Variants in SIPA1L2 observed in about 807,000 individuals in gnomAD.
SIPA1L2 encodes signal induced proliferation associated 1 like 2.
SIPA1L2 carries 56 observed loss-of-function variants against 163.9 expected under a neutral mutation model. That is an observed-to-expected ratio of 0.34 (90% CI 0.28 to 0.43). The LOEUF (loss-of-function observed/expected upper bound fraction) is 0.43, where lower values mean the gene tolerates loss of function less well. SIPA1L2 is among the 20% of genes least tolerant of loss of function. The pLI is 1.00. For missense variants in SIPA1L2, 1,974 were observed against 2,193.5 expected (o/e 0.90, Z 2.00); for synonymous variants, 877 against 865.7 (o/e 1.01, Z -0.23).
intron 10 of SIPA1L2, among the ~76,000 whole-genome samples, chr1:232,453,395 T>G (rs1273114880): frequency 1.3e-5 from 2 of 152,240 alleles, no homozygotes; most frequent in African/African-American, 2.4e-5. Context: ...TCTAATCCCA[T>G]GACTGGAACT....
At chr1:232,629,712 A>ACCCTCGCACCCCCGCGC (rs1230370861) in intron 1 of SIPA1L2, among the ~76,000 whole-genome samples, 157 bp downstream of exon 1, 4 of 151,552 alleles carry the variant, frequency 2.6e-5, no homozygotes, top group African/African-American at 4.9e-5. Context: ...CTGCGCCGCG[A>ACCCTCGCACCCCCGCGC]CCCTCGCACC....
At chr1:232,543,003 TC>T (rs745800015) in intron 2 of SIPA1L2, among the ~76,000 whole-genome samples, 28 of 152,190 alleles carry the variant, frequency 1.8e-4, no homozygotes, top group Non-Finnish European at 3.8e-4. Context: ...TTTCCAAGAA[TC>T]CCCAAGAGCT....
chr1:232,514,551 A>G lies in SIPA1L2; in HGVS notation c.789T>C (p.Tyr263=), dbSNP rs115218394. The change falls in exon 3 of 23, where the codon TAT becomes TAC. Residue 263 remains tyrosine (Y), a synonymous_variant. Transcript: ENST00000674635. ...TCCCCATCAGGAGGGCACTGTCCAC[A>G]TAATCTAATCCTGAGATGCGGACAA... ...GEFVRISGLD[Y]VDSALLMGRD... 568 of 1,614,166 alleles carry G rather than the reference A, an allele frequency of 3.5e-4. 1 individual carries two copies. Among genetic ancestry groups the G allele is most frequent in the African/African-American group, 5.9e-4 (44 of 75,060 alleles).
At chr1:232,428,317 G>T in intron 17 of SIPA1L2, 94 bp downstream of exon 17, 1 of 1,110,288 alleles carries the variant, frequency 9.0e-7, no homozygotes, top group Non-Finnish European at 1.2e-6. Flanking sequence ...GAAGCATGTG[G>T]GAGTACTCTG....
chr1:232,623,217 C>T (rs1282726670), intron 1 of SIPA1L2, among the ~76,000 whole-genome samples: 1 of 152,212 alleles, frequency 6.6e-6, no homozygotes, highest in Admixed American at 6.5e-5. Context: ...TGGCCAATCA[C>T]ATACAGACAG....
chr1:232,465,079 C>T lies in SIPA1L2; in HGVS notation c.2581G>A (p.Ala861Thr). The T allele has an allele frequency of 6.2e-7, 1 of 1,614,172 alleles. No individual in the cohort carries two copies. The highest frequency in any genetic ancestry group is 8.5e-7 in the Non-Finnish European group (1 of 1,180,018). The stretch of plus-strand genomic sequence containing the variant: ...TCAGCAGACTGGCCGAAGTCCCGGG[C>T]TATCACGTGCCACATGATGGCCCCA... ...SIGAIMWHVI[A>T]RDFGQSADIE... Residue 861 changes from alanine (A) to threonine (T), a missense_variant, in exon 9 of 23, where the codon GCC becomes ACC. Ala to Thr is a moderately conservative substitution (Grantham distance 58). Coordinates refer to ENST00000674635, the MANE Select transcript of SIPA1L2 (RefSeq NM_020808.5). This position sits in a 1 kb window ranked among gnomAD's most constrained non-coding sequence, Gnocchi z 4.1.
chr1:232,567,228 G>A (rs1659459917), intron 2 of SIPA1L2, among the ~76,000 whole-genome samples: 1 of 152,136 alleles, frequency 6.6e-6, no homozygotes, highest in Admixed American at 6.5e-5. Flanking sequence ...AATGAAAAAG[G>A]TAAAATACTA....
At position 232,460,948 on chromosome 1, in the gene SIPA1L2, G is replaced by A. The variant is rs539350274; in HGVS notation, c.3034C>T (p.Arg1012Cys). 61 of 1,614,248 alleles carry A rather than the reference G, an allele frequency of 3.8e-5. No homozygotes were observed. The highest frequency in any genetic ancestry group is 6.7e-5 in the East Asian group (3 of 44,876). Residue 1012 changes from arginine to cysteine, a missense_variant, in exon 10 of 23, where the codon CGT (arginine) becomes TGT (cysteine). This residue lies in a region of SIPA1L2 where 1,079 missense variants were observed against 1,150.7 expected (regional missense o/e 0.94). Transcript: ENST00000674635. ...LTHEQMIDLL[R>C]TSVTVKVVII... Reference sequence around the variant, plus strand: ...ACCACCTTCACAGTCACAGAAGTACGGAGCAGGTCGATCATCTGCTCGTGG... The same window carrying A: ...ACCACCTTCACAGTCACAGAAGTACAGAGCAGGTCGATCATCTGCTCGTGG...
At chr1:232,566,471 T>G (rs1293060377) in intron 2 of SIPA1L2, among the ~76,000 whole-genome samples, 1 of 152,232 alleles carries the variant, frequency 6.6e-6, no homozygotes, top group South Asian at 2.1e-4. Flanking sequence ...CCTGCTGGAT[T>G]TCAGATTCAT....
intron 10 of SIPA1L2, 58 bp downstream of exon 10, chr1:232,460,829 G>C (rs1572932712): frequency 2.5e-6 from 4 of 1,571,048 alleles, no homozygotes; most frequent in Non-Finnish European, 3.5e-6. Flanking sequence ...ACTGAGGACA[G>C]CCACCTGCTA....
chr1:232,623,189 G>A (rs1198828204), intron 1 of SIPA1L2, among the ~76,000 whole-genome samples: 1 of 152,180 alleles, frequency 6.6e-6, no homozygotes, highest in Non-Finnish European at 1.5e-5. Flanking sequence ...CACTACGGGT[G>A]GCTGTGTGCT....
chr1:232,571,795 G>A (rs1659745625), intron 2 of SIPA1L2, among the ~76,000 whole-genome samples: 1 of 152,268 alleles, frequency 6.6e-6, no homozygotes. Flanking sequence ...CTCTCACCAC[G>A]TGACATGCTG....
At chr1:232,438,802 G>C (rs1206459966) in intron 15 of SIPA1L2, among the ~76,000 whole-genome samples, 2 of 152,082 alleles carry the variant, frequency 1.3e-5, no homozygotes, top group Admixed American at 1.3e-4. Context: ...AAACACGTAG[G>C]GACAACAGGT....
intron 2 of SIPA1L2, among the ~76,000 whole-genome samples, chr1:232,571,884 T>A (rs1471063127): frequency 6.6e-6 from 1 of 152,200 alleles, no homozygotes; most frequent in East Asian, 1.9e-4. Flanking sequence ...ATGCTTCCTG[T>A]ACAGCCTGCA....
At chr1:232,610,562 T>A (rs1287285088) in intron 1 of SIPA1L2, among the ~76,000 whole-genome samples, 2 of 152,218 alleles carry the variant, frequency 1.3e-5, no homozygotes, top group Non-Finnish European at 2.9e-5. Context: ...AGCAAAATAT[T>A]TGTATGTTCG....
intron 2 of SIPA1L2, among the ~76,000 whole-genome samples, chr1:232,522,824 T>A (rs1300606282): frequency 2.0e-5 from 3 of 152,222 alleles, no homozygotes; most frequent in African/African-American, 7.2e-5. Flanking sequence ...CATACTGATT[T>A]GAAATTAAGC....
intron 2 of SIPA1L2, among the ~76,000 whole-genome samples, chr1:232,541,920 T>C (rs1221658656): frequency 7.0e-6 from 1 of 142,466 alleles, no homozygotes; most frequent in Non-Finnish European, 1.5e-5. Context: ...TGTTAAATCT[T>C]GGGCTGAGCC....
At chr1:232,503,212 A>T (rs1272448475) in intron 3 of SIPA1L2, among the ~76,000 whole-genome samples, 1 of 152,242 alleles carries the variant, frequency 6.6e-6, no homozygotes, top group Non-Finnish European at 1.5e-5. Flanking sequence ...TCATGCAAAT[A>T]CAACAGGGCA....
chr1:232,625,585 G>C (rs1032956937), intron 1 of SIPA1L2, among the ~76,000 whole-genome samples: 2 of 152,098 alleles, frequency 1.3e-5, no homozygotes, highest in African/African-American at 4.8e-5. Flanking sequence ...ATGCAAACTT[G>C]GACTACATCA....
Sources: allele counts gnomAD v4.1 joint callset (sites outside exome capture counted in the v4.1 genomes callset), GRCh38; gene constraint gnomAD v4.1.1; regional missense constraint gnomAD v4.1.1; non-coding constraint Gnocchi (gnomAD v3.1); transcripts MANE v1.5; gene names NCBI Gene and HGNC (gene_info 2026-07-23, HGNC 2026-07-21).